CACNA1C: variants seen among roughly 807,000 people sequenced by gnomAD.
CACNA1C encodes the protein voltage-dependent L-type calcium channel subunit alpha-1C.
A neutral mutation model predicts 229.0 loss-of-function variants in CACNA1C; 30 were observed. That is an observed-to-expected ratio of 0.13 (90% CI 0.10 to 0.18). The LOEUF (loss-of-function observed/expected upper bound fraction) is 0.18. Ranked by LOEUF, CACNA1C falls within the 10% of genes least tolerant of loss-of-function variation. The probability of loss-of-function intolerance (pLI) is 1.00; values close to 1 mark genes in which losing one functional copy is unlikely to be tolerated. For synonymous variants in CACNA1C, 1,114 were observed against 1,132.5 expected (o/e 0.98, Z 0.33); for missense variants, 1,658 against 2,845.0 (o/e 0.58, Z 9.49).
chr12:2,513,306 C>T (rs1011763530), intron 9 of CACNA1C, among the ~76,000 whole-genome samples: 19 of 152,360 alleles, frequency 1.2e-4, no homozygotes, highest in African/African-American at 4.6e-4. Context: ...TGGGCAGGGG[C>T]ACAGGCTTCC....
intron 3 of CACNA1C, among the ~76,000 whole-genome samples, chr12:2,419,154 C>G (rs2098948306): frequency 6.6e-6 from 1 of 152,164 alleles, no homozygotes; most frequent in African/African-American, 2.4e-5. Context: ...ATACCTGAGG[C>G]TGGGTAATTT....
chr12:2,017,910 C>A (rs1483648160), intron 1 of CACNA1C, among the ~76,000 whole-genome samples: 1 of 152,174 alleles, frequency 6.6e-6, no homozygotes, highest in Admixed American at 6.5e-5. Flanking sequence ...ATTAGAAAAA[C>A]CATTGCTTGC....
intron 3 of CACNA1C, among the ~76,000 whole-genome samples, chr12:2,170,747 G>A (rs1451404652): frequency 1.3e-5 from 2 of 152,166 alleles, no homozygotes; most frequent in African/African-American, 4.8e-5. Flanking sequence ...CCTCTCCCAC[G>A]TTCACTGGGA....
intron 3 of CACNA1C, among the ~76,000 whole-genome samples, chr12:2,432,303 CACTT>C (rs2099093779): frequency 1.3e-5 from 2 of 152,164 alleles, no homozygotes; most frequent in Admixed American, 6.5e-5. Flanking sequence ...GAATGAAAGT[CACTT>C]ACTTACAAGA....
rs777659655 is a variant in CACNA1C at position 2,115,308 on chromosome 12, C to T, written c.134C>T (p.Thr45Ile). 3 of 1,594,164 alleles carry T rather than the reference C, an allele frequency of 1.9e-6. No individual in the cohort carries two copies. The highest frequency in any genetic ancestry group is 2.7e-5 in the African/African-American group (2 of 74,482). ...GGGCTGGCCCCTGAGCACATCCCCA[C>T]CCCGGGGGCTGCCCTGTCGTGGCAG... ...AAGLAPEHIP[T>I]PGAALSWQAA... Residue 45 changes from threonine to isoleucine, a missense_variant, in exon 2 of 47, where the codon ACC (threonine) becomes ATC (isoleucine). Physicochemically the swap from Thr to Ile is moderately conservative, Grantham distance 89 (BLOSUM62 -1). Transcript: ENST00000399655.
chr12:2,547,577 CTGAA>C (rs2099883886), intron 9 of CACNA1C: 1 of 771,592 alleles, frequency 1.3e-6, no homozygotes, highest in African/African-American at 1.7e-5. Flanking sequence ...GCATACCAGA[CTGAA>C]TGGGAAGGTG....
At chr12:2,190,203 C>T (rs774433330) in intron 3 of CACNA1C, among the ~76,000 whole-genome samples, 12 of 152,208 alleles carry the variant, frequency 7.9e-5, no homozygotes, top group Non-Finnish European at 1.5e-4. Flanking sequence ...TGTTGTACTT[C>T]TGTGTGAAAT....
chr12:2,500,633 G>T (rs971580476), intron 7 of CACNA1C, among the ~76,000 whole-genome samples: 20 of 152,172 alleles, frequency 1.3e-4, no homozygotes, highest in Non-Finnish European at 1.9e-4. Flanking sequence ...CCTGAAGAAG[G>T]TGGGGTCTGT....
intron 13 of CACNA1C, among the ~76,000 whole-genome samples, chr12:2,576,977 T>A (rs2058638248): frequency 6.6e-6 from 1 of 152,212 alleles, no homozygotes; most frequent in African/African-American, 2.4e-5. Flanking sequence ...ACATCCCTGA[T>A]AATTTGCACG....
chr12:2,598,976 G>C (rs930240685), intron 21 of CACNA1C, among the ~76,000 whole-genome samples: 1 of 152,190 alleles, frequency 6.6e-6, no homozygotes, highest in African/African-American at 2.4e-5. Flanking sequence ...GGCAAAACCT[G>C]CTTTCCATGG....
In CACNA1C at chr12:2,570,010, G is replaced by A. The variant is rs114666528; in HGVS notation, c.1895+2216G>A. 4.1e-3 allele frequency among the ~76,000 whole-genome samples: 623 copies of A among 152,288 alleles called. 6 individuals carry two copies. Among genetic ancestry groups the A allele is most frequent in the African/African-American group, 0.014 (587 of 41,550 alleles). On this transcript the variant is annotated intron_variant, in intron 13 of 46. Coordinates refer to ENST00000399655, the MANE Select transcript of CACNA1C (RefSeq NM_000719.7). ...AAACATCAGAGGGTCTCACATGAAC[G>A]TAAACATTGTTTCATAAAAAGCTGA...
intron 3 of CACNA1C, among the ~76,000 whole-genome samples, chr12:2,268,881 C>T (rs1472742944): frequency 6.6e-6 from 1 of 152,170 alleles, no homozygotes; most frequent in African/African-American, 2.4e-5. Flanking sequence ...GCATTCCCTT[C>T]CTGAAGTGGA....
intron 3 of CACNA1C, among the ~76,000 whole-genome samples, chr12:2,216,603 T>C (rs1346435063): frequency 6.6e-6 from 1 of 152,222 alleles, no homozygotes; most frequent in African/African-American, 2.4e-5. Flanking sequence ...TTCAGGACAC[T>C]GATTCTTACT....
Position 2,473,166 on chromosome 12 carries a change from CTT to C in CACNA1C, c.758-12935_758-12934del, listed in dbSNP as rs986897804. On this transcript the variant is annotated intron_variant, in intron 5 of 46. Transcript: ENST00000399655. ...CAGCACTGATTAACCTGTACCATCT[CTT>C]TTCTGCTGTCAACCCTAAACCAGCT... Among the ~76,000 whole-genome samples, 7 of 152,336 alleles carry C rather than the reference CTT, an allele frequency of 4.6e-5. 2 individuals are homozygous for C. Among genetic ancestry groups the C allele is most frequent in the East Asian group, 1.9e-4 (1 of 5,176 alleles).
At chr12:2,332,154 G>T (rs1019948479) in intron 3 of CACNA1C, among the ~76,000 whole-genome samples, 1 of 152,112 alleles carries the variant, frequency 6.6e-6, no homozygotes, top group Non-Finnish European at 1.5e-5. Context: ...AGTCTCAGAT[G>T]ATTCCAAAAA....
At chr12:2,125,343 TA>T (rs2089568523) in intron 3 of CACNA1C, among the ~76,000 whole-genome samples, 1 of 152,252 alleles carries the variant, frequency 6.6e-6, no homozygotes, top group Admixed American at 6.5e-5. Context: ...TCTGTACCCC[TA>T]TGGAGGCCCT....
chr12:2,192,863 C>T (rs1286627640), intron 3 of CACNA1C, among the ~76,000 whole-genome samples: 1 of 152,162 alleles, frequency 6.6e-6, no homozygotes, highest in Non-Finnish European at 1.5e-5. Context: ...TGCGCTGAGC[C>T]AGAGTTTCAT....
In CACNA1C at chr12:2,516,324, A is replaced by T. The variant is rs188234858; in HGVS notation, c.1390+3340A>T. 3.0e-4 allele frequency among the ~76,000 whole-genome samples: 45 copies of T among 152,284 alleles called. 1 individual carries two copies. Among genetic ancestry groups the T allele is most frequent in the Non-Finnish European group, 5.9e-4 (40 of 68,020 alleles). ...GGTGTAAGGTGAGGCTGTGGGACCC[A>T]AGGAGTAGGGTATATAAACTATTGT... On this transcript the variant is annotated intron_variant, in intron 9 of 46. Transcript: ENST00000399655.
intron 3 of CACNA1C, among the ~76,000 whole-genome samples, chr12:2,380,637 G>C (rs1284751399): frequency 6.6e-6 from 1 of 152,206 alleles, no homozygotes; most frequent in South Asian, 2.1e-4. Context: ...CAAGGGGTTT[G>C]TCCAAGTGAG....
Sources: allele counts gnomAD v4.1 joint callset (sites outside exome capture counted in the v4.1 genomes callset), GRCh38; gene constraint gnomAD v4.1.1; transcripts MANE v1.5; gene names NCBI Gene and HGNC (gene_info 2026-07-23, HGNC 2026-07-21).